Variants in TBC1D5 observed in about 807,000 individuals in gnomAD.
The protein encoded by TBC1D5 is TBC1 domain family member 5.
A neutral mutation model predicts 100.3 loss-of-function variants in TBC1D5; 75 were observed. That is an observed-to-expected ratio of 0.75 (90% CI 0.62 to 0.91). TBC1D5 has a LOEUF of 0.91. Among genes scored for constraint, TBC1D5 ranks in the 40% least tolerant of loss-of-function variants. The pLI is 0.00. For missense variants in TBC1D5, 910 were observed against 942.4 expected, an observed-to-expected ratio of 0.97 and a Z score of 0.45; for synonymous variants, 323 against 325.6, an observed-to-expected ratio of 0.99 and a Z score of 0.09.
intron 1 of TBC1D5, among the ~76,000 whole-genome samples, chr3:17,635,490 G>T (rs764806546): frequency 1.5e-4 from 23 of 152,054 alleles, no homozygotes; most frequent in Non-Finnish European, 2.5e-4. Context: ...AAACCGTCCT[G>T]ACCAACATGG....
At chr3:17,342,365 T>C (rs1418605205) in intron 13 of TBC1D5, among the ~76,000 whole-genome samples, 1 of 152,250 alleles carries the variant, frequency 6.6e-6, no homozygotes, top group African/African-American at 2.4e-5. Context: ...ACCATTCTTA[T>C]TCTGACATAT....
intron 3 of TBC1D5, among the ~76,000 whole-genome samples, chr3:17,471,843 T>C (rs1320144195): frequency 4.6e-5 from 7 of 152,274 alleles, no homozygotes; most frequent in Non-Finnish European, 5.9e-5. Flanking sequence ...ACTACACGTA[T>C]TAATAGAATT....
chr3:17,634,472 C>T (rs758672391), intron 1 of TBC1D5, among the ~76,000 whole-genome samples: 2 of 151,878 alleles, frequency 1.3e-5, no homozygotes, highest in Non-Finnish European at 2.9e-5. Flanking sequence ...ATAAGTCGGG[C>T]AGAGAAAGAC....
At chr3:17,238,463 T>C in intron 16 of TBC1D5, 44 bp from the exon 17 acceptor site, 1 of 1,569,466 alleles carries the variant, frequency 6.4e-7, no homozygotes. Flanking sequence ...CATTAGAGGA[T>C]GATTCTATTT....
At chr3:17,279,952 G>C (rs1242159434) in intron 15 of TBC1D5, among the ~76,000 whole-genome samples, 1 of 152,152 alleles carries the variant, frequency 6.6e-6, no homozygotes, top group Non-Finnish European at 1.5e-5. Flanking sequence ...ATAAACACTT[G>C]GTAACTGAAC....
At chr3:17,262,769 C>T (rs2078443332) in intron 15 of TBC1D5, among the ~76,000 whole-genome samples, 2 of 152,018 alleles carry the variant, frequency 1.3e-5, no homozygotes, top group African/African-American at 4.8e-5. Context: ...GCGTGAGCCA[C>T]CACACCCGGC....
chr3:17,495,709 TA>T (rs1444991733), intron 3 of TBC1D5, among the ~76,000 whole-genome samples: 8 of 152,212 alleles, frequency 5.3e-5, no homozygotes, highest in Non-Finnish European at 1.2e-4. Context: ...AGGCTATTAG[TA>T]AATTCTTAGG....
chr3:17,162,479 G>A (rs2066160615), intron 21 of TBC1D5, among the ~76,000 whole-genome samples: 1 of 152,252 alleles, frequency 6.6e-6, no homozygotes, highest in Non-Finnish European at 1.5e-5. Context: ...CATCTCTGAT[G>A]ATTCACCAAC....
At chr3:17,166,952 A>G in intron 20 of TBC1D5, 24 bp from the exon 22 acceptor site, 2 of 1,576,056 alleles carry the variant, frequency 1.3e-6, no homozygotes, top group Non-Finnish European at 1.7e-6. Context: ...AGAAGAAAAT[A>G]AATGAAAAAA....
chr3:17,409,285 T>C (rs939663675), intron 4 of TBC1D5, among the ~76,000 whole-genome samples: 2 of 152,166 alleles, frequency 1.3e-5, no homozygotes, highest in African/African-American at 2.4e-5. Flanking sequence ...GATGTTACTA[T>C]TGTAACTGTT....
intron 1 of TBC1D5, among the ~76,000 whole-genome samples, chr3:17,660,901 C>G (rs1366303613): frequency 2.0e-5 from 3 of 152,044 alleles, no homozygotes; most frequent in African/African-American, 4.8e-5. Flanking sequence ...CTATTTGAAA[C>G]CTGGAAATAG....
chr3:17,568,666 C>T (rs1157852984), intron 2 of TBC1D5, among the ~76,000 whole-genome samples: 1 of 151,414 alleles, frequency 6.6e-6, no homozygotes, highest in Non-Finnish European at 1.5e-5. Flanking sequence ...TGGCAATAGG[C>T]AACATATTTA....
chr3:17,536,877 T>G (rs898538911), intron 2 of TBC1D5, among the ~76,000 whole-genome samples: 28 of 152,266 alleles, frequency 1.8e-4, no homozygotes, highest in African/African-American at 6.3e-4. Flanking sequence ...ATGTTTGAGT[T>G]AAGATAAGGC....
At chr3:17,324,366 G>C (rs552382364) in intron 13 of TBC1D5, among the ~76,000 whole-genome samples, 1 of 152,158 alleles carries the variant, frequency 6.6e-6, no homozygotes, top group Non-Finnish European at 1.5e-5. Context: ...AAATAGGCCC[G>C]GTGTGGTGGC....
At chr3:17,220,810 A>G (rs1445912822) in intron 17 of TBC1D5, among the ~76,000 whole-genome samples, 1 of 152,138 alleles carries the variant, frequency 6.6e-6, no homozygotes, top group Admixed American at 6.5e-5. Flanking sequence ...ATTTCAAATT[A>G]CTTTTAAAAG....
At chr3:17,232,573 C>A (rs927973683) in intron 17 of TBC1D5, among the ~76,000 whole-genome samples, 1 of 152,092 alleles carries the variant, frequency 6.6e-6, no homozygotes, top group African/African-American at 2.4e-5. Flanking sequence ...TTCATGGAAT[C>A]CCTGAGCTAG....
intron 15 of TBC1D5, among the ~76,000 whole-genome samples, chr3:17,274,263 T>C (rs968124472): frequency 3.3e-5 from 5 of 152,192 alleles, no homozygotes; most frequent in African/African-American, 1.2e-4. Flanking sequence ...TAATCAGAGG[T>C]CAATTCCTTT....
intron 16 of TBC1D5, among the ~76,000 whole-genome samples, chr3:17,250,080 C>T (rs2077058422): frequency 6.6e-6 from 1 of 152,290 alleles, no homozygotes; most frequent in South Asian, 2.1e-4. Context: ...GTAAAAAATG[C>T]AATAAAATGA....
chr3:17,547,372 C>A (rs992511023), intron 2 of TBC1D5, among the ~76,000 whole-genome samples: 6 of 152,070 alleles, frequency 3.9e-5, no homozygotes, highest in Admixed American at 1.3e-4. Flanking sequence ...CAAATTAAAG[C>A]CCTCCTTACC....
Sources: allele counts gnomAD v4.1 joint callset (sites outside exome capture counted in the v4.1 genomes callset), GRCh38; gene constraint gnomAD v4.1.1; transcripts MANE v1.5; gene names NCBI Gene and HGNC (gene_info 2026-07-23, HGNC 2026-07-21).